Variants in CNTNAP2 observed in about 807,000 individuals in gnomAD.
The protein encoded by CNTNAP2 is contactin associated protein 2, also known as contactin-associated protein-like 2.
In CNTNAP2, 98 loss-of-function variants were observed where a neutral mutation model predicts 155.2. The ratio of observed to expected loss-of-function variants is 0.63; its 90% CI spans 0.54 to 0.75. CNTNAP2 has a LOEUF of 0.75. Ranked by LOEUF, CNTNAP2 falls within the 30% of genes least tolerant of loss-of-function variation. The pLI is 0.00. For missense variants in CNTNAP2, 1,727 were observed against 1,688.1 expected, an observed-to-expected ratio of 1.02 and a Z score of -0.40; for synonymous variants, 651 against 631.2, an observed-to-expected ratio of 1.03 and a Z score of -0.47.
chr7:147,047,348 G>T (rs149642775), intron 4 of CNTNAP2, among the ~76,000 whole-genome samples: 4 of 139,536 alleles, frequency 2.9e-5, no homozygotes, highest in Non-Finnish European at 4.6e-5. Context: ...GTCTTGATTT[G>T]CTGACCTCAT....
At chr7:147,445,966 T>A (rs906617910) in intron 10 of CNTNAP2, among the ~76,000 whole-genome samples, 1 of 151,974 alleles carries the variant, frequency 6.6e-6, no homozygotes, top group East Asian at 1.9e-4. Flanking sequence ...TAAAGAGTGA[T>A]CAAAGGTTCT....
intron 3 of CNTNAP2, among the ~76,000 whole-genome samples, chr7:146,949,294 T>C (rs953605077): frequency 1.3e-5 from 2 of 152,194 alleles, no homozygotes; most frequent in Non-Finnish European, 2.9e-5. Context: ...CCCAGGGCAT[T>C]TCCCCTATAC....
chr7:147,099,977 A>G (rs1800621837), intron 4 of CNTNAP2, among the ~76,000 whole-genome samples: 1 of 152,238 alleles, frequency 6.6e-6, no homozygotes, highest in African/African-American at 2.4e-5. Context: ...ATTATATGCT[A>G]ATTTTCAGAA....
At chr7:146,159,637 A>G (rs527549369) in intron 1 of CNTNAP2, among the ~76,000 whole-genome samples, 5 of 152,320 alleles carry the variant, frequency 3.3e-5, no homozygotes, top group African/African-American at 1.2e-4. Context: ...ATTGAAAGAG[A>G]CAAAGAAGGC....
chr7:146,547,733 A>C (rs1798049644), intron 1 of CNTNAP2, among the ~76,000 whole-genome samples: 1 of 151,784 alleles, frequency 6.6e-6, no homozygotes, highest in Non-Finnish European at 1.5e-5. Context: ...TTGTTTTCAT[A>C]CCTTGGGTAT....
chr7:147,767,347 C>T (rs1276120797), intron 13 of CNTNAP2, among the ~76,000 whole-genome samples: 1 of 152,038 alleles, frequency 6.6e-6, no homozygotes, highest in Non-Finnish European at 1.5e-5. Context: ...GTATCACTGA[C>T]AGCTCTGAGT....
rs570614933 is a variant in CNTNAP2 at position 146,288,297 on chromosome 7, C to CAA, written c.97+171344_97+171345dup. Among the ~76,000 whole-genome samples, 309 of 91,186 alleles carry CAA rather than the reference C, an allele frequency of 3.4e-3. 2 individuals carry two copies. The highest frequency in any genetic ancestry group is 7.4e-3 in the African/African-American group (225 of 30,416). The allele number at this position is 91,186 out of a possible 152,430, so 59.8% of individuals were successfully genotyped here. The stretch of plus-strand genomic sequence containing the variant: ...TGGGTGACAGAATGAGATCCTGCCT[C>CAA]AAAAAAAAAAAAAAAAAAAAATTTG... On this transcript the variant is annotated intron_variant, in intron 1 of 23. Coordinates refer to ENST00000361727, the MANE Select transcript of CNTNAP2 (RefSeq NM_014141.6).
At chr7:147,898,318 G>C (rs1799806092) in intron 13 of CNTNAP2, among the ~76,000 whole-genome samples, 1 of 152,184 alleles carries the variant, frequency 6.6e-6, no homozygotes, top group Admixed American at 6.5e-5. Flanking sequence ...TGGAATATCT[G>C]AGAAAGTACC....
chr7:147,500,599 C>T (rs1798792526), intron 11 of CNTNAP2, among the ~76,000 whole-genome samples: 1 of 152,104 alleles, frequency 6.6e-6, no homozygotes, highest in Admixed American at 6.6e-5. Context: ...GGCAACTAAA[C>T]TGTAACTGTG....
chr7:146,602,827 C>G (rs1798971952), intron 1 of CNTNAP2, among the ~76,000 whole-genome samples: 3 of 152,042 alleles, frequency 2.0e-5, no homozygotes, highest in African/African-American at 7.2e-5. Context: ...GTTTGAAACA[C>G]CAAAGATTGT....
rs917252381 is a variant in CNTNAP2, at chr7:146,439,951, C to T, written c.97+322978C>T. ...CCAGCCTGGCCAACATTGTGAAACCCTGTCTCTACTAAAAATACAAAAATT... is the reference window on the plus strand; with the variant it reads ...CCAGCCTGGCCAACATTGTGAAACCTTGTCTCTACTAAAAATACAAAAATT... On this transcript the variant is annotated intron_variant, in intron 1 of 23. Transcript: ENST00000361727. Among the ~76,000 whole-genome samples the T allele has an allele frequency of 2.6e-5, 4 of 151,558 alleles. 1 individual carries two copies. In the Middle Eastern group the frequency reaches 0.01, roughly 389 times the overall value.
At chr7:146,410,836 G>A (rs976647526) in intron 1 of CNTNAP2, among the ~76,000 whole-genome samples, 3 of 152,112 alleles carry the variant, frequency 2.0e-5, no homozygotes, top group Non-Finnish European at 2.9e-5. Flanking sequence ...AACTTTTTCC[G>A]ATTCCATAGA....
chr7:147,635,078 A>G (rs925913293), intron 12 of CNTNAP2, among the ~76,000 whole-genome samples: 1 of 151,990 alleles, frequency 6.6e-6, no homozygotes, highest in African/African-American at 2.4e-5. Context: ...TTTCTCAGTG[A>G]AGCCTTTTGC....
At position 146,169,680 on chromosome 7, in the gene CNTNAP2, T is replaced by G. The variant is rs550469739; in HGVS notation, c.97+52707T>G. 2.6e-5 allele frequency among the ~76,000 whole-genome samples: 4 copies of G among 151,922 alleles called. No homozygotes were observed. In the East Asian group the frequency reaches 7.7e-4, roughly 29 times the overall value. On this transcript the variant is annotated intron_variant, in intron 1 of 23. Transcript: ENST00000361727. Reference sequence around the variant, plus strand: ...TTCTTCTGTTGCTGTGATATGATTTTTTTTTTTAGATTTCACGTATCAGTG... The same window carrying G: ...TTCTTCTGTTGCTGTGATATGATTTGTTTTTTTAGATTTCACGTATCAGTG...
chr7:147,182,272 A>T (rs1336060733), intron 8 of CNTNAP2, among the ~76,000 whole-genome samples: 2 of 152,166 alleles, frequency 1.3e-5, no homozygotes, highest in African/African-American at 4.8e-5. Context: ...TTAATTATTA[A>T]TAAGAAAATA....
chr7:147,236,683 G>T (rs1803812883), intron 8 of CNTNAP2, among the ~76,000 whole-genome samples: 2 of 151,576 alleles, frequency 1.3e-5, no homozygotes, highest in African/African-American at 4.9e-5. Flanking sequence ...GCTCGGAGCT[G>T]GGGGCACTGC....
At chr7:147,573,051 T>C (rs6978578) in intron 12 of CNTNAP2, among the ~76,000 whole-genome samples, 69,090 of 151,916 alleles carry the variant, frequency 0.45, 15,920 homozygotes, top group East Asian at 0.61. Flanking sequence ...AAATAGTAAA[T>C]TGCACCAATA....
chr7:147,597,056 C>A (rs1800838913), intron 12 of CNTNAP2, among the ~76,000 whole-genome samples: 1 of 152,224 alleles, frequency 6.6e-6, no homozygotes, highest in South Asian at 2.1e-4. Context: ...CCTTGTTTAG[C>A]ATATAATCAA....
At chr7:147,141,386 A>T (rs559006746) in intron 8 of CNTNAP2, among the ~76,000 whole-genome samples, 108 of 152,298 alleles carry the variant, frequency 7.1e-4, no homozygotes, top group African/African-American at 2.4e-3. Flanking sequence ...AGGCGTTATG[A>T]GCATGGACTC....
Sources: gnomAD v4.1 joint callset for allele counts (sites outside exome capture counted in the v4.1 genomes callset) on GRCh38, gnomAD v4.1.1 for gene constraint, MANE v1.5 for transcripts, NCBI Gene and HGNC (gene_info 2026-07-23, HGNC 2026-07-21) for gene names.